The following GSAP variants were observed in gnomAD, a reference collection of about 807,000 sequenced individuals.
GSAP encodes the protein gamma-secretase activating protein, also known as gamma-secretase-activating protein.
In GSAP, 118 loss-of-function variants were observed where a neutral mutation model predicts 131.7. The ratio of observed to expected loss-of-function variants is 0.90; its 90% CI spans 0.77 to 1.04. GSAP has a LOEUF of 1.04. Ranked by LOEUF, GSAP falls within the 50% of genes least tolerant of loss-of-function variation. GSAP has a pLI of 0.00. For synonymous variants in GSAP, 381 were observed against 363.4 expected, an observed-to-expected ratio of 1.05 and a Z score of -0.55; for missense variants, 1,019 against 1,013.2, an observed-to-expected ratio of 1.01 and a Z score of -0.08.
chr7:77,397,108 C>G (rs1800541597), intron 4 of GSAP, 73 bp from the exon 5 acceptor site: 4 of 996,158 alleles, frequency 4.0e-6, no homozygotes, highest in Non-Finnish European at 6.2e-6. Flanking sequence ...CCAGTTTAAA[C>G]CTGAAATAGA....
rs185929717 is a variant in GSAP at position 77,382,615 on chromosome 7, G to T, written c.485C>A (p.Pro162His). The change falls in exon 7 of 31, where the codon CCT (proline) becomes CAT (histidine). Residue 162 changes from proline (P) to histidine (H), a missense_variant. Physicochemically the swap from Pro to His is moderately conservative, Grantham distance 77. Transcript: ENST00000257626. ...QFLYPHIESH[P>H]LPENHLLLIS... ...CAGTAACAGATGGTTCTCTGGAAGA[G>T]GATGACTTTCAATATGTGGGTAGAG... The T allele has an allele frequency of 7.4e-5, 116 of 1,567,584 alleles. 1 individual carries two copies. In the African/African-American group the frequency reaches 1.3e-3, roughly 18 times the overall value.
chr7:77,360,609 C>T (rs745451411), intron 14 of GSAP, among the ~76,000 whole-genome samples: 12 of 152,182 alleles, frequency 7.9e-5, no homozygotes, highest in Non-Finnish European at 1.3e-4. Context: ...GAAGATACAA[C>T]CCCCAACCCT....
chr7:77,335,092 A>G (rs1382513926), intron 19 of GSAP, among the ~76,000 whole-genome samples: 4 of 151,634 alleles, frequency 2.6e-5, no homozygotes, highest in Non-Finnish European at 4.4e-5. Context: ...CAATTAAAAA[A>G]AAAAAGAAAA....
chr7:77,351,212 T>A (rs1792820557), intron 18 of GSAP: 8 of 982,128 alleles, frequency 8.1e-6, no homozygotes, highest in Non-Finnish European at 9.7e-6. Context: ...CATTTATCAC[T>A]ACAGAGGATA....
chr7:77,326,240 T>G lies in GSAP; in HGVS notation c.1799A>C (p.Asp600Ala). The G allele has an allele frequency of 6.2e-7, 1 of 1,613,222 alleles. No homozygotes were observed. The highest frequency in any genetic ancestry group is 8.5e-7 in the Non-Finnish European group (1 of 1,179,484). The change falls in exon 23 of 31, where the codon GAC becomes GCC. Residue 600 changes from aspartate to alanine, a missense_variant. Asp to Ala is a moderately radical substitution (Grantham distance 126). Coordinates refer to ENST00000257626, the MANE Select transcript of GSAP (RefSeq NM_017439.4). ...CCCCATGAGCAGCCGCTGGTGGCTG[T>G]CTTCCTCCTGCAGGAGGGGTGTTAA... ...PRLTPLLQEE[D>A]SHQRLLMGLM...
At chr7:77,316,840 C>T (rs1365824565) in intron 26 of GSAP, among the ~76,000 whole-genome samples, 1 of 152,180 alleles carries the variant, frequency 6.6e-6, no homozygotes, top group East Asian at 1.9e-4. Flanking sequence ...TCCTCATCTT[C>T]CAGGGCTCCT....
At chr7:77,384,745 T>C (rs981760492) in intron 6 of GSAP, among the ~76,000 whole-genome samples, 1 of 152,048 alleles carries the variant, frequency 6.6e-6, no homozygotes, top group East Asian at 1.9e-4. Flanking sequence ...GTTAGGGAAA[T>C]GTGCTGCTGG....
intron 1 of GSAP, among the ~76,000 whole-genome samples, chr7:77,409,701 G>A (rs1802932569): frequency 6.6e-6 from 1 of 152,200 alleles, no homozygotes; most frequent in Admixed American, 6.5e-5. Flanking sequence ...TTATAAGTAT[G>A]CGAGGAGAGA....
intron 3 of GSAP, among the ~76,000 whole-genome samples, chr7:77,397,781 C>T (rs1800667503): frequency 6.6e-6 from 1 of 152,170 alleles, no homozygotes; most frequent in South Asian, 2.1e-4. Flanking sequence ...GGAATCATAA[C>T]ATCTACTCAT....
chr7:77,397,085 T>G (rs781331254), intron 4 of GSAP, 50 bp from the exon 5 acceptor site: 2 of 1,244,254 alleles, frequency 1.6e-6, no homozygotes, highest in Non-Finnish European at 2.3e-6. Context: ...ATATGGTAGC[T>G]TGTTAAAGTT....
Position 77,355,423 on chromosome 7 carries a change from A to G in GSAP, c.1128T>C (p.Asn376=). 1 of 1,534,200 alleles carries G rather than the reference A, an allele frequency of 6.5e-7. No individual in the cohort carries two copies. ...AATGAGGTAGCATATCAATCATTTC[A>G]TTATTTCCTGGCAAAAAAAAAAAAA... The part of the protein sequence containing the change: ...ICHNLFLTGN[N]EMIDMLPHCP... Residue 376 remains asparagine, a synonymous_variant, in exon 16 of 31, where the codon AAT becomes AAC. Transcript: ENST00000257626.
intron 1 of GSAP, among the ~76,000 whole-genome samples, chr7:77,413,000 GGTTA>G (rs1256596729): frequency 2.6e-5 from 4 of 152,094 alleles, no homozygotes; most frequent in South Asian, 2.1e-4. Context: ...TGCACCAGGT[GGTTA>G]GTAAGAGTAC....
chr7:77,391,125 C>CAAAAAAAAAAAAAA (rs3083869), intron 5 of GSAP, among the ~76,000 whole-genome samples: 10 of 65,104 alleles, frequency 1.5e-4, no homozygotes, highest in African/African-American at 4.1e-4. Flanking sequence ...GGCTCCGTCT[C>CAAAAAAAAAAAAAA]AAAAAAAAAA....
intron 3 of GSAP, among the ~76,000 whole-genome samples, chr7:77,403,461 T>TAAAAA (rs1400216854): frequency 6.6e-6 from 1 of 152,234 alleles, no homozygotes; most frequent in African/African-American, 2.4e-5. Context: ...TGTCTAATAT[T>TAAAAA]CAATTCTAAA....
chr7:77,326,245 C>A lies in GSAP; in HGVS notation c.1794G>T (p.Glu598Asp), dbSNP rs746254079. 1 of 1,613,258 alleles carries A rather than the reference C, an allele frequency of 6.2e-7. No homozygotes were observed. Among genetic ancestry groups the A allele is most frequent in the Admixed American group, 1.7e-5 (1 of 59,898 alleles). The change falls in exon 23 of 31, where the codon GAG becomes GAT. Residue 598 changes from glutamate to aspartate, a missense_variant. Glu to Asp is a conservative substitution (Grantham distance 45, BLOSUM62 2). Transcript: ENST00000257626. ...TGAGCAGCCGCTGGTGGCTGTCTTC[C>A]TCCTGCAGGAGGGGTGTTAATCTTG... ...LGPRLTPLLQ[E>D]EDSHQRLLMG...
At chr7:77,348,109 T>C (rs531976302) in intron 19 of GSAP, among the ~76,000 whole-genome samples, 2 of 151,968 alleles carry the variant, frequency 1.3e-5, no homozygotes, top group African/African-American at 4.8e-5. Context: ...TTAGAGATTA[T>C]AGTGAGCTAT....
intron 5 of GSAP, among the ~76,000 whole-genome samples, chr7:77,390,502 T>C (rs1258988941): frequency 3.3e-5 from 5 of 152,210 alleles, no homozygotes; most frequent in African/African-American, 9.6e-5. Flanking sequence ...TTTCTACATA[T>C]GGCCAGCCAG....
rs1584632544 is a variant in GSAP, at chr7:77,382,508, T to C, written c.526+66A>G. ...GGTGGATATCTAGAAGATTCAATCA[T>C]GTACCACACTAGGAGACGATATGCC... On this transcript the variant is annotated intron_variant, in intron 7 of 30. Coordinates refer to ENST00000257626, the MANE Select transcript of GSAP (RefSeq NM_017439.4). 1.6e-5 allele frequency: 13 copies of C among 835,220 alleles called. No homozygotes were observed. In the East Asian group the frequency reaches 2.9e-4, roughly 19 times the overall value. 51.7% of individuals were successfully genotyped at this position (835,220 alleles called of 1,614,324 possible).
intron 3 of GSAP, among the ~76,000 whole-genome samples, chr7:77,403,766 A>G (rs1801779413): frequency 1.3e-5 from 2 of 152,244 alleles, no homozygotes; most frequent in South Asian, 4.1e-4. Flanking sequence ...AATTTTACTT[A>G]AATCTCAAAG....
Sources: allele counts gnomAD v4.1 joint callset (sites outside exome capture counted in the v4.1 genomes callset), GRCh38; gene constraint gnomAD v4.1.1; transcripts MANE v1.5; gene names NCBI Gene and HGNC (gene_info 2026-07-23, HGNC 2026-07-21).